The following DIP2C variants were observed in gnomAD, a reference collection of about 807,000 sequenced individuals.
DIP2C encodes the protein disco-interacting protein 2 homolog C.
In DIP2C, 33 loss-of-function variants were observed where a neutral mutation model predicts 192.4. The observed-to-expected ratio is 0.17, with a 90% CI of 0.13 to 0.23. The LOEUF is 0.23. Among genes scored for constraint, DIP2C ranks in the 10% least tolerant of loss-of-function variants. DIP2C has a pLI of 1.00. For synonymous variants in DIP2C, 979 were observed against 864.1 expected, an observed-to-expected ratio of 1.13 and a Z score of -2.33; for missense variants, 1,537 against 2,110.1, an observed-to-expected ratio of 0.73 and a Z score of 5.32.
chr10:346,631 C>G (rs202068391), intron 26 of DIP2C, among the ~76,000 whole-genome samples: 2,238 of 107,006 alleles, frequency 0.021, 141 homozygotes, highest in East Asian at 0.042. Context: ...CCCGGGAACC[C>G]CACACTCACC....
rs185355533 is a variant in DIP2C, at chr10:385,222, G to C, written c.1663-583C>G. 3.8e-3 allele frequency among the ~76,000 whole-genome samples: 574 copies of C among 150,860 alleles called. 1 individual carries two copies. Among genetic ancestry groups the C allele is most frequent in the Middle Eastern group, 0.018 (5 of 276 alleles). On this transcript the variant is annotated intron_variant, in intron 14 of 36. Coordinates refer to ENST00000280886, the MANE Select transcript of DIP2C (RefSeq NM_014974.3). ...GCACAGGCCTGGAGGAGGAGCGGTCGCACAGGACCCTGGAGGCTCCTCAGT... is the reference window on the plus strand; with the variant it reads ...GCACAGGCCTGGAGGAGGAGCGGTCCCACAGGACCCTGGAGGCTCCTCAGT...
intron 3 of DIP2C, among the ~76,000 whole-genome samples, chr10:452,010 C>T (rs896535729): frequency 6.6e-6 from 1 of 152,062 alleles, no homozygotes. Flanking sequence ...ACAAGGAGAC[C>T]AGCACACCCA....
intron 1 of DIP2C, among the ~76,000 whole-genome samples, chr10:488,836 C>G (rs1844214195): frequency 6.6e-6 from 1 of 152,220 alleles, no homozygotes; most frequent in Non-Finnish European, 1.5e-5. Context: ...TCCCATAGAA[C>G]TGTGCCCCAA....
intron 3 of DIP2C, among the ~76,000 whole-genome samples, chr10:458,539 G>A (rs531083483): frequency 6.4e-5 from 9 of 141,174 alleles, no homozygotes; most frequent in South Asian, 2.3e-4. Flanking sequence ...ACATTCCTGC[G>A]TCACCGGCAG....
chr10:290,096 G>A (rs544898250), intron 32 of DIP2C, among the ~76,000 whole-genome samples: 34 of 152,350 alleles, frequency 2.2e-4, no homozygotes, highest in Non-Finnish European at 4.0e-4. Context: ...GAGAGGAGAC[G>A]CTGGGGAGGG....
chr10:359,694 C>A (rs1304539786), intron 22 of DIP2C, among the ~76,000 whole-genome samples: 1 of 152,194 alleles, frequency 6.6e-6, no homozygotes, highest in Non-Finnish European at 1.5e-5. Context: ...GGAGCCCCTG[C>A]ACGATCTCAG....
At chr10:509,115 G>A (rs1845835864) in intron 1 of DIP2C, among the ~76,000 whole-genome samples, 1 of 152,300 alleles carries the variant, frequency 6.6e-6, no homozygotes, top group African/African-American at 2.4e-5. Flanking sequence ...GCATTTCCTG[G>A]CAAGGACACT....
intron 1 of DIP2C, among the ~76,000 whole-genome samples, chr10:547,661 T>C (rs1848354733): frequency 6.6e-6 from 1 of 152,202 alleles, no homozygotes; most frequent in African/African-American, 2.4e-5. Flanking sequence ...GCTCACAAGA[T>C]AGGCAGAGGC....
chr10:278,309 TG>T (rs1438569968), intron 36 of DIP2C, among the ~76,000 whole-genome samples: 2 of 152,120 alleles, frequency 1.3e-5, no homozygotes, highest in Non-Finnish European at 2.9e-5. Flanking sequence ...TGCGCCTGAG[TG>T]GGGGTGTGTT....
intron 1 of DIP2C, among the ~76,000 whole-genome samples, chr10:685,130 G>A (rs1342565463): frequency 5.7e-5 from 4 of 70,492 alleles, no homozygotes; most frequent in Middle Eastern, 9.4e-3. Flanking sequence ...GTGAAACTTG[G>A]TCCCCAAAAA....
intron 10 of DIP2C, among the ~76,000 whole-genome samples, chr10:393,928 G>A (rs999253276): frequency 3.3e-5 from 5 of 151,922 alleles, no homozygotes; most frequent in African/African-American, 1.2e-4. Context: ...TGATGAGGAT[G>A]CAGAGAAAAG....
rs1167310327 is a variant in DIP2C, at chr10:465,922, T to A, written c.268+6517A>T. ...ACAAATGGAAGAACATTCCATGCTC[T>A]TGGGTAGGAAGAATCAATATCGTGA... is the stretch of plus-strand genomic sequence containing the variant. On this transcript the variant is annotated intron_variant, in intron 3 of 36. Coordinates refer to ENST00000280886, the MANE Select transcript of DIP2C (RefSeq NM_014974.3). Among the ~76,000 whole-genome samples, 383 of 152,062 alleles carry A rather than the reference T, an allele frequency of 2.5e-3. 2 individuals are homozygous for A. Among genetic ancestry groups the A allele is most frequent in the East Asian group, 4.6e-3 (24 of 5,166 alleles).
intron 1 of DIP2C, among the ~76,000 whole-genome samples, chr10:491,106 G>A (rs1353820991): frequency 2.0e-5 from 3 of 152,186 alleles, no homozygotes; most frequent in Non-Finnish European, 4.4e-5. Context: ...CCTCAGGCAC[G>A]CACCAGCCAA....
At chr10:523,484 G>C (rs2445591) in intron 1 of DIP2C, among the ~76,000 whole-genome samples, 13 of 71,990 alleles carry the variant, frequency 1.8e-4, no homozygotes, top group South Asian at 5.9e-4. Flanking sequence ...CCTGGAGTGA[G>C]GATGCAGGGA....
chr10:624,981 G>A (rs1310672454), intron 1 of DIP2C, among the ~76,000 whole-genome samples: 1 of 152,182 alleles, frequency 6.6e-6, no homozygotes, highest in East Asian at 1.9e-4. Context: ...AGGCCTGGCC[G>A]GCGGCGCAAC....
intron 1 of DIP2C, among the ~76,000 whole-genome samples, chr10:488,700 T>C (rs1056943504): frequency 6.6e-6 from 1 of 152,212 alleles, no homozygotes; most frequent in African/African-American, 2.4e-5. Context: ...GCCCCTGCCC[T>C]GCATGGATGA....
intron 7 of DIP2C, among the ~76,000 whole-genome samples, chr10:415,031 C>T (rs1349926438): frequency 1.3e-5 from 2 of 151,296 alleles, no homozygotes; most frequent in Non-Finnish European, 2.9e-5. Context: ...CATGAGCCAC[C>T]GCACCTGGCC....
At chr10:423,959 T>C (rs1966394204) in intron 4 of DIP2C, among the ~76,000 whole-genome samples, 1 of 152,246 alleles carries the variant, frequency 6.6e-6, no homozygotes, top group Non-Finnish European at 1.5e-5. Context: ...AGATTGGATA[T>C]CTTGGATTAT....
intron 3 of DIP2C, among the ~76,000 whole-genome samples, chr10:454,363 T>TAAAATACTA (rs1228682284): frequency 6.6e-6 from 1 of 152,124 alleles, no homozygotes. Context: ...TAAAAAGGGA[T>TAAAATACTA]AAAATACTAA....
Sources: allele counts gnomAD v4.1 joint callset (sites outside exome capture counted in the v4.1 genomes callset), GRCh38; gene constraint gnomAD v4.1.1; transcripts MANE v1.5; gene names NCBI Gene and HGNC (gene_info 2026-07-23, HGNC 2026-07-21).